The following SDK1 variants were observed in gnomAD, a reference collection of about 807,000 sequenced individuals.
SDK1 encodes the protein protein sidekick-1.
Under a neutral mutation model 245.5 loss-of-function variants are expected in SDK1, and 157 were observed. That is an observed-to-expected ratio of 0.64 (90% CI 0.56 to 0.73). SDK1 has a LOEUF of 0.73. SDK1 is among the 30% of genes least tolerant of loss of function. The probability of loss-of-function intolerance (pLI) is 0.00; values close to 1 mark genes in which losing one functional copy is unlikely to be tolerated. For synonymous variants in SDK1, 1,647 were observed against 1,278.5 expected, an observed-to-expected ratio of 1.29 and a Z score of -6.15; for missense variants, 3,583 against 3,002.3, an observed-to-expected ratio of 1.19 and a Z score of -4.52.
At chr7:3,598,789 A>G (rs1183216507) in intron 1 of SDK1, among the ~76,000 whole-genome samples, 6 of 152,210 alleles carry the variant, frequency 3.9e-5, no homozygotes, top group African/African-American at 7.2e-5. Context: ...GCAGGTATCA[A>G]TAGTTTGTTC....
chr7:3,533,524 G>A (rs553905062), intron 1 of SDK1, among the ~76,000 whole-genome samples: 5 of 152,242 alleles, frequency 3.3e-5, no homozygotes, highest in East Asian at 1.9e-4. Context: ...TTTATCAACC[G>A]AATATATTTA....
intron 1 of SDK1, among the ~76,000 whole-genome samples, chr7:3,489,140 G>A (rs1393872817): frequency 6.6e-6 from 1 of 152,124 alleles, no homozygotes; most frequent in Non-Finnish European, 1.5e-5. Flanking sequence ...GGACCCAAGT[G>A]AACAGAATCA....
chr7:3,531,172 T>C (rs1783332430), intron 1 of SDK1, among the ~76,000 whole-genome samples: 1 of 152,168 alleles, frequency 6.6e-6, no homozygotes. Context: ...TCAAACTACA[T>C]AGGGTTTGCA....
At chr7:4,129,865 G>T (rs1431420834) in intron 26 of SDK1, 43 bp from the exon 27 acceptor site, 2 of 1,608,624 alleles carry the variant, frequency 1.2e-6, no homozygotes, top group Middle Eastern at 1.7e-4. Flanking sequence ...GTCCCTCCTG[G>T]CACCCGCCTC....
chr7:3,541,392 A>G (rs1396902153), intron 1 of SDK1, among the ~76,000 whole-genome samples: 3 of 152,184 alleles, frequency 2.0e-5, no homozygotes, highest in Non-Finnish European at 2.9e-5. Context: ...TACGCTGGTC[A>G]TTGGGTGGAC....
At chr7:3,424,733 C>T (rs1779629439) in intron 1 of SDK1, among the ~76,000 whole-genome samples, 1 of 151,878 alleles carries the variant, frequency 6.6e-6, no homozygotes, top group African/African-American at 2.4e-5. Flanking sequence ...TCTATCTCTA[C>T]AAAAAATAAA....
At chr7:3,753,573 C>A (rs1387232549) in intron 4 of SDK1, among the ~76,000 whole-genome samples, 1 of 152,220 alleles carries the variant, frequency 6.6e-6, no homozygotes, top group African/African-American at 2.4e-5. Flanking sequence ...GCAGTTGCCT[C>A]TGATTCCTCC....
chr7:3,662,343 G>A (rs1321356477), intron 4 of SDK1, among the ~76,000 whole-genome samples: 1 of 152,112 alleles, frequency 6.6e-6, no homozygotes, highest in Non-Finnish European at 1.5e-5. Flanking sequence ...ACAAAAGATG[G>A]AGCATGAGCA....
rs561367314 is a variant in SDK1 at position 4,093,728 on chromosome 7, G to A, written c.3324+14144G>A. ...CGCATGCCTCGGTGAAGTCGGGGGC[G>A]TGAAGCAACACTGTCTCTCTCCTAA... is the stretch of plus-strand genomic sequence containing the variant. On this transcript the variant is annotated intron_variant, in intron 22 of 44. Coordinates refer to ENST00000404826, the MANE Select transcript of SDK1 (RefSeq NM_152744.4). Among the ~76,000 whole-genome samples the A allele has an allele frequency of 5.3e-5, 8 of 152,324 alleles. No individual in the cohort carries two copies. The East Asian group carries it at 1.2e-3, about 22-fold the overall frequency.
In SDK1 at chr7:4,008,204, G is replaced by A. The variant is rs144093925; in HGVS notation, c.2132-2762G>A. On this transcript the variant is annotated intron_variant, in intron 14 of 44. Transcript: ENST00000404826. ...TGTCCTCAAGGTTCATCCATGTTCCGCCATGTGTCCTAATTTCCTTCCTTT... is the reference window on the plus strand; with the variant it reads ...TGTCCTCAAGGTTCATCCATGTTCCACCATGTGTCCTAATTTCCTTCCTTT... Among the ~76,000 whole-genome samples the A allele has an allele frequency of 7.0e-3, 1,070 of 152,270 alleles. 11 individuals carry two copies. Among genetic ancestry groups the A allele is most frequent in the African/African-American group, 0.024 (997 of 41,550 alleles).
At chr7:3,585,429 A>C (rs1228358570) in intron 1 of SDK1, among the ~76,000 whole-genome samples, 1 of 152,208 alleles carries the variant, frequency 6.6e-6, no homozygotes, top group East Asian at 1.9e-4. Context: ...AGGCTGCATA[A>C]GTTGAGGGGA....
intron 4 of SDK1, among the ~76,000 whole-genome samples, chr7:3,787,821 C>A (rs959397017): frequency 2.0e-5 from 3 of 152,174 alleles, no homozygotes; most frequent in African/African-American, 7.2e-5. Flanking sequence ...TTTGTGAAGT[C>A]CTGCATGAAA....
chr7:3,647,201 T>C (rs1033003935), intron 4 of SDK1, among the ~76,000 whole-genome samples: 1 of 152,236 alleles, frequency 6.6e-6, no homozygotes, highest in African/African-American at 2.4e-5. Context: ...CAGTGAGCTG[T>C]GATCACGCTA....
intron 1 of SDK1, among the ~76,000 whole-genome samples, chr7:3,522,538 C>A (rs1782975937): frequency 6.7e-6 from 1 of 149,618 alleles, no homozygotes; most frequent in African/African-American, 2.5e-5. Flanking sequence ...ATCTTGGGTG[C>A]CCCTTCAGCT....
chr7:3,389,745 C>G (rs922607271), intron 1 of SDK1, among the ~76,000 whole-genome samples: 1 of 74,748 alleles, frequency 1.3e-5, no homozygotes, highest in African/African-American at 5.9e-5. Context: ...ACAGCCTGGG[C>G]AACAGAAATA....
At chr7:3,845,340 C>T (rs541626226) in intron 5 of SDK1, among the ~76,000 whole-genome samples, 1 of 151,810 alleles carries the variant, frequency 6.6e-6, no homozygotes, top group Non-Finnish European at 1.5e-5. Context: ...AAATACAAAA[C>T]TTAGCTGGGC....
intron 35 of SDK1, among the ~76,000 whole-genome samples, chr7:4,185,522 G>A (rs1054440047): frequency 2.0e-5 from 3 of 151,898 alleles, no homozygotes; most frequent in Non-Finnish European, 2.9e-5. Flanking sequence ...AGCTGTTTCC[G>A]CCTGGGATGA....
intron 4 of SDK1, among the ~76,000 whole-genome samples, chr7:3,675,998 T>C (rs1409140470): frequency 6.6e-6 from 1 of 152,222 alleles, no homozygotes; most frequent in African/African-American, 2.4e-5. Context: ...GGTTGTCTGT[T>C]TGCTCTATTG....
chr7:4,230,400 C>A lies in SDK1; in HGVS notation c.5828-2855C>A, dbSNP rs547137965. Among the ~76,000 whole-genome samples, 3 of 80,304 alleles carry A rather than the reference C, an allele frequency of 3.7e-5. No homozygotes were observed. The South Asian group carries it at 1.5e-3, about 40-fold the overall frequency. 52.7% of individuals were successfully genotyped at this position (80,304 alleles called of 152,430 possible). On this transcript the variant is annotated intron_variant, in intron 40 of 44. Transcript: ENST00000404826. ...TGGCTAGAGGGAAGGGAAGGGAGGGCAGGGGAGGGAAGGGGAGGAAAGGGA... is the reference window on the plus strand; with the variant it reads ...TGGCTAGAGGGAAGGGAAGGGAGGGAAGGGGAGGGAAGGGGAGGAAAGGGA...
Sources: gnomAD v4.1 joint callset for allele counts (sites outside exome capture counted in the v4.1 genomes callset) on GRCh38, gnomAD v4.1.1 for gene constraint, MANE v1.5 for transcripts, NCBI Gene and HGNC (gene_info 2026-07-23, HGNC 2026-07-21) for gene names.